Variants in FBXL5 observed in about 807,000 individuals in gnomAD.
The protein encoded by FBXL5 is F-box and leucine rich repeat protein 5, also known as F-box/LRR-repeat protein 5.
FBXL5 carries 26 observed loss-of-function variants against 78.3 expected under a neutral mutation model. The observed-to-expected ratio is 0.33, with a 90% CI of 0.24 to 0.46. The LOEUF (loss-of-function observed/expected upper bound fraction) is 0.46. Ranked by LOEUF, FBXL5 falls within the 20% of genes least tolerant of loss-of-function variation. FBXL5 has a pLI of 1.00. For synonymous variants in FBXL5, 295 were observed against 282.5 expected (o/e 1.04, Z -0.45); for missense variants, 710 against 829.2 (o/e 0.86, Z 1.77).
At chr4:15,673,277 A>G (rs1452296992) in intron 1 of FBXL5, among the ~76,000 whole-genome samples, 1 of 151,850 alleles carries the variant, frequency 6.6e-6, no homozygotes, top group East Asian at 1.9e-4. Context: ...CTGTCTCTAC[A>G]AAAAATACAA....
rs142228557 is a variant in FBXL5, at chr4:15,643,795, C to T, written c.300+698G>A. On this transcript the variant is annotated intron_variant, in intron 2 of 10. Transcript: ENST00000341285. ...AAGTAATAATTATACCTTTGGTCAC[C>T]ATTAACTGGATAGCTTTCCTTTAAG... Among the ~76,000 whole-genome samples the T allele has an allele frequency of 9.2e-4, 140 of 152,222 alleles. 1 individual carries two copies. The highest frequency in any genetic ancestry group is 4.8e-3 in the South Asian group (23 of 4,814).
At chr4:15,629,474 C>G (rs1206008145) in intron 6 of FBXL5, among the ~76,000 whole-genome samples, 2 of 152,172 alleles carry the variant, frequency 1.3e-5, no homozygotes, top group East Asian at 3.9e-4. Context: ...GCATGTTTTC[C>G]TTGTCTTATT....
intron 10 of FBXL5, among the ~76,000 whole-genome samples, chr4:15,606,525 G>C (rs759398328): frequency 1.3e-5 from 2 of 152,110 alleles, no homozygotes; most frequent in South Asian, 2.1e-4. Context: ...CTGAGAATTA[G>C]AAAATATCAA....
intron 1 of FBXL5, among the ~76,000 whole-genome samples, chr4:15,652,480 TC>T (rs1716207115): frequency 1.3e-5 from 2 of 152,164 alleles, no homozygotes; most frequent in Non-Finnish European, 2.9e-5. Context: ...GAAAAACCTT[TC>T]CATAAAACTT....
chr4:15,647,080 G>A (rs887175307), intron 1 of FBXL5, among the ~76,000 whole-genome samples: 6 of 151,560 alleles, frequency 4.0e-5, no homozygotes, highest in African/African-American at 1.5e-4. Context: ...AAAATTAGCA[G>A]GGAGTGGTGG....
chr4:15,631,684 T>G (rs1342928070), intron 5 of FBXL5, among the ~76,000 whole-genome samples: 3 of 152,250 alleles, frequency 2.0e-5, no homozygotes, highest in Non-Finnish European at 4.4e-5. Context: ...ATGAGCATTT[T>G]TTCATGTGTC....
In FBXL5 at chr4:15,626,069, T is replaced by C. The variant is rs531600501; in HGVS notation, c.1125-92A>G. 2.8e-5 allele frequency: 32 copies of C among 1,138,456 alleles called. No individual in the cohort carries two copies. In the East Asian group the frequency reaches 4.9e-4, roughly 18 times the overall value. The allele number at this position is 1,138,456 out of a possible 1,614,324, so 70.5% of individuals were successfully genotyped here. A position where few individuals can be genotyped will look rare whatever the true frequency, so the allele number is the denominator to read the frequency against. ...ATGTAGATGAAAACCAGAAGAAAGA[T>C]TTGACATCTAATATAATCACTTAAG... On this transcript the variant is annotated intron_variant, in intron 8 of 10. Coordinates refer to ENST00000341285, the MANE Select transcript of FBXL5 (RefSeq NM_012161.4).
At chr4:15,639,151 C>T (rs565020279) in intron 3 of FBXL5, among the ~76,000 whole-genome samples, 2 of 152,144 alleles carry the variant, frequency 1.3e-5, no homozygotes, top group African/African-American at 2.4e-5. Context: ...GCAACAAGAG[C>T]GAAACTCTGT....
In FBXL5 at chr4:15,632,157, A is replaced by G. The variant is rs920070380; in HGVS notation, c.767-1366T>C. ...ATGGCTAGCCAGTTTTCCCAGCACCATTTATTACATAGGGAATCCTTTCCC... is the reference window on the plus strand; with the variant it reads ...ATGGCTAGCCAGTTTTCCCAGCACCGTTTATTACATAGGGAATCCTTTCCC... On this transcript the variant is annotated intron_variant, in intron 5 of 10. Coordinates refer to ENST00000341285, the MANE Select transcript of FBXL5 (RefSeq NM_012161.4). Among the ~76,000 whole-genome samples the G allele has an allele frequency of 2.6e-5, 4 of 152,146 alleles. No individual in the cohort carries two copies. The South Asian group carries it at 8.3e-4, about 32-fold the overall frequency.
intron 1 of FBXL5, among the ~76,000 whole-genome samples, chr4:15,674,210 T>TG (rs1560253977): frequency 1.3e-5 from 2 of 152,018 alleles, no homozygotes; most frequent in Non-Finnish European, 2.9e-5. Context: ...TCGTGTTTTT[T>TG]TTTTTTTTTT....
At chr4:15,646,068 T>C (rs1252422479) in intron 1 of FBXL5, among the ~76,000 whole-genome samples, 2 of 152,186 alleles carry the variant, frequency 1.3e-5, no homozygotes, top group Admixed American at 6.5e-5. Context: ...AACTTTTCTA[T>C]AAAAGGACAG....
intron 1 of FBXL5, among the ~76,000 whole-genome samples, chr4:15,669,360 A>C (rs776077509): frequency 4.6e-5 from 7 of 152,238 alleles, no homozygotes; most frequent in Non-Finnish European, 1.0e-4. Context: ...GTAAAAATAC[A>C]GTATTACTTC....
At chr4:15,612,153 AAGAT>A in intron 10 of FBXL5, 109 bp downstream of exon 10, 1 of 800,962 alleles carries the variant, frequency 1.2e-6, no homozygotes, top group Non-Finnish European at 1.9e-6. Flanking sequence ...ATCTGAAAGT[AAGAT>A]AGTCTGGGAA....
chr4:15,631,445 G>C (rs1713652720), intron 5 of FBXL5, among the ~76,000 whole-genome samples: 1 of 152,194 alleles, frequency 6.6e-6, no homozygotes, highest in Non-Finnish European at 1.5e-5. Context: ...TAATGGGATG[G>C]CTGGGTCAAA....
At chr4:15,666,229 C>G (rs527875475) in intron 1 of FBXL5, among the ~76,000 whole-genome samples, 1 of 151,972 alleles carries the variant, frequency 6.6e-6, no homozygotes, top group Non-Finnish European at 1.5e-5. Context: ...GTAGACTCCA[C>G]CACCACAAAA....
intron 7 of FBXL5, among the ~76,000 whole-genome samples, chr4:15,627,325 G>A (rs2148583977): frequency 6.6e-6 from 1 of 152,016 alleles, no homozygotes; most frequent in East Asian, 1.9e-4. Flanking sequence ...AGTAGAGATG[G>A]GGTTTCACCA....
At chr4:15,608,475 C>T (rs1481786079) in intron 10 of FBXL5, among the ~76,000 whole-genome samples, 1 of 151,456 alleles carries the variant, frequency 6.6e-6, no homozygotes, top group African/African-American at 2.4e-5. Flanking sequence ...AAGTTTTTAC[C>T]CTGTATTAGG....
chr4:15,675,834 C>T (rs534690904), intron 1 of FBXL5, among the ~76,000 whole-genome samples: 2 of 152,078 alleles, frequency 1.3e-5, no homozygotes, highest in African/African-American at 2.4e-5. Flanking sequence ...CCGCCTGCCT[C>T]GGCCTCCCAA....
intron 2 of FBXL5, among the ~76,000 whole-genome samples, chr4:15,641,947 G>A (rs548396490): frequency 7.2e-5 from 11 of 151,968 alleles, no homozygotes; most frequent in African/African-American, 2.4e-4. Flanking sequence ...AGAACTGCTT[G>A]AACCTGGAAG....
Sources: gnomAD v4.1 joint callset for allele counts (sites outside exome capture counted in the v4.1 genomes callset) on GRCh38, gnomAD v4.1.1 for gene constraint, MANE v1.5 for transcripts, NCBI Gene and HGNC (gene_info 2026-07-23, HGNC 2026-07-21) for gene names.